Variants in AASDH observed in about 807,000 individuals in gnomAD.
AASDH encodes aminoadipate-semialdehyde dehydrogenase, also known as beta-alanine-activating enzyme.
In AASDH, 81 loss-of-function variants were observed where a neutral mutation model predicts 102.3. That is an observed-to-expected ratio of 0.79 (90% CI 0.66 to 0.95). AASDH has a LOEUF of 0.95. Among genes scored for constraint, AASDH ranks in the 40% least tolerant of loss-of-function variants. AASDH has a pLI of 0.00. For missense variants in AASDH, 1,203 were observed against 1,266.2 expected (o/e 0.95, Z 0.76); for synonymous variants, 398 against 454.0 (o/e 0.88, Z 1.57).
intron 11 of AASDH, among the ~76,000 whole-genome samples, chr4:56,348,613 C>T (rs1221453967): frequency 1.3e-5 from 2 of 152,058 alleles, no homozygotes; most frequent in African/African-American, 4.8e-5. Flanking sequence ...GAACTTGGAA[C>T]GCTAGGTCAT....
rs1752666707 is a variant in AASDH at position 56,378,912 on chromosome 4, C to A, written c.352-448G>T. Among the ~76,000 whole-genome samples, 5 of 149,474 alleles carry A rather than the reference C, an allele frequency of 3.3e-5. No homozygotes were observed. In the South Asian group the frequency reaches 1.0e-3, roughly 31 times the overall value. On this transcript the variant is annotated intron_variant, in intron 3 of 14. Coordinates refer to ENST00000205214, the MANE Select transcript of AASDH (RefSeq NM_181806.4). ...TTATTTTTTTTTTTTGAGACGGAGT[C>A]TCACTCTGTCATCCAGGCTGGAGTG...
At chr4:56,341,559 AT>A (rs543126027) in intron 14 of AASDH, among the ~76,000 whole-genome samples, 2,197 of 134,072 alleles carry the variant, frequency 0.016, 60 homozygotes, top group African/African-American at 0.055. Context: ...CACCCAGCTA[AT>A]TTTTTTTTTT....
At chr4:56,364,651 T>C (rs1750759491) in intron 5 of AASDH, among the ~76,000 whole-genome samples, 1 of 152,302 alleles carries the variant, frequency 6.6e-6, no homozygotes, top group Admixed American at 6.5e-5. Flanking sequence ...TAAAATACTT[T>C]ACAGATAAGC....
intron 4 of AASDH, among the ~76,000 whole-genome samples, chr4:56,374,475 T>C (rs1163285409): frequency 6.6e-6 from 1 of 151,930 alleles, no homozygotes; most frequent in Non-Finnish European, 1.5e-5. Context: ...GAAATGAGGC[T>C]GCCATAAACT....
chr4:56,384,778 A>C (rs1440139421), intron 1 of AASDH, among the ~76,000 whole-genome samples: 1 of 152,254 alleles, frequency 6.6e-6, no homozygotes, highest in African/African-American at 2.4e-5. Context: ...TGGTGACTTT[A>C]AAATTACTAA....
chr4:56,356,630 T>C (rs1007868704), intron 5 of AASDH: 11 of 699,238 alleles, frequency 1.6e-5, no homozygotes, highest in South Asian at 5.9e-5. Context: ...ATCGAGTTGG[T>C]TGTCTTCTTG....
chr4:56,363,481 C>T (rs1010604605), intron 5 of AASDH, among the ~76,000 whole-genome samples: 11 of 152,340 alleles, frequency 7.2e-5, no homozygotes, highest in South Asian at 2.1e-4. Context: ...CCAGTAGGGG[C>T]GGACTGACAC....
At chr4:56,359,588 T>C (rs1463002533) in intron 5 of AASDH, among the ~76,000 whole-genome samples, 1 of 149,480 alleles carries the variant, frequency 6.7e-6, no homozygotes, top group African/African-American at 2.5e-5. Context: ...AGACAGAGTC[T>C]CACTCTGTCT....
Position 56,338,754 on chromosome 4 carries a change from G to T in AASDH, c.2945C>A (p.Ser982Tyr). 6.2e-7 allele frequency: 1 copy of T among 1,614,098 alleles called. No homozygotes were observed. Among genetic ancestry groups the T allele is most frequent in the South Asian group, 1.1e-5 (1 of 91,070 alleles). Residue 982 changes from serine to tyrosine, a missense_variant, in exon 15 of 15, where the codon TCC (serine) becomes TAC (tyrosine). Ser to Tyr is a moderately radical substitution (Grantham distance 144, BLOSUM62 -2). Transcript: ENST00000205214. Reference sequence around the variant, plus strand: ...TTGCTCTGATGGTGAGGTACACGGGGATGAAAAGATTGGTCCACTGGTAGA... The same window carrying T: ...TTGCTCTGATGGTGAGGTACACGGGTATGAAAAGATTGGTCCACTGGTAGA... ...QFSTSGPIFS[S>Y]PCTSPSEQKI...
chr4:56,362,755 G>A lies in AASDH; in HGVS notation c.862-7332C>T, dbSNP rs182681870. Among the ~76,000 whole-genome samples, 239 of 152,282 alleles carry A rather than the reference G, an allele frequency of 1.6e-3. 2 individuals carry two copies. Among genetic ancestry groups the A allele is most frequent in the African/African-American group, 5.1e-3 (211 of 41,554 alleles). On this transcript the variant is annotated intron_variant, in intron 5 of 14. Coordinates refer to ENST00000205214, the MANE Select transcript of AASDH (RefSeq NM_181806.4). ...AGGAGAGAAAAGATGAACCCTGGGG[G>A]TGGAGCCAAGATGGCCGAATAGGAG...
chr4:56,375,177 A>C (rs1752201162), intron 4 of AASDH, among the ~76,000 whole-genome samples: 1 of 151,720 alleles, frequency 6.6e-6, no homozygotes, highest in Non-Finnish European at 1.5e-5. Context: ...GCAGCCTCAA[A>C]CTCCTAGGCT....
chr4:56,353,069 A>G (rs1291020794), intron 9 of AASDH, among the ~76,000 whole-genome samples: 2 of 151,778 alleles, frequency 1.3e-5, no homozygotes, highest in African/African-American at 4.8e-5. Flanking sequence ...AGGCACAAAC[A>G]TAGCACACTG....
intron 5 of AASDH, among the ~76,000 whole-genome samples, 189 bp downstream of exon 5, chr4:56,371,262 G>A (rs1751671559): frequency 6.6e-6 from 1 of 151,998 alleles, no homozygotes; most frequent in African/African-American, 2.4e-5. Context: ...TTTCTAGGCA[G>A]AATTCATTTA....
chr4:56,365,296 A>G (rs1450555181), intron 5 of AASDH, among the ~76,000 whole-genome samples: 2 of 152,012 alleles, frequency 1.3e-5, no homozygotes, highest in Non-Finnish European at 2.9e-5. Context: ...CACTGCCAAC[A>G]TTAGACAGAT....
chr4:56,367,259 G>C (rs769963272), intron 5 of AASDH, among the ~76,000 whole-genome samples: 5,039 of 151,684 alleles, frequency 0.033, 119 homozygotes, highest in Admixed American at 0.064. Flanking sequence ...TCATGGGTAG[G>C]AAGAATCAAT....
intron 14 of AASDH, among the ~76,000 whole-genome samples, chr4:56,339,748 C>CAAAA (rs3036859): frequency 0.085 from 10,847 of 127,724 alleles, 572 homozygotes; most frequent in East Asian, 0.25. Flanking sequence ...GACCTTGTTT[C>CAAAA]AAAAAAAAAA....
At chr4:56,385,548 T>C (rs1319844322) in intron 1 of AASDH, among the ~76,000 whole-genome samples, 1 of 152,162 alleles carries the variant, frequency 6.6e-6, no homozygotes, top group Admixed American at 6.5e-5. Context: ...CTCTGAACTC[T>C]GTTTTCCATA....
At chr4:56,366,529 AG>A (rs1308539135) in intron 5 of AASDH, among the ~76,000 whole-genome samples, 1 of 152,192 alleles carries the variant, frequency 6.6e-6, no homozygotes, top group Non-Finnish European at 1.5e-5. Context: ...ACCATGATCA[AG>A]TGGGCTTCAT....
intron 2 of AASDH, among the ~76,000 whole-genome samples, chr4:56,383,858 G>C (rs1339571903): frequency 6.6e-6 from 1 of 152,044 alleles, no homozygotes. Context: ...ATTAGTGAAA[G>C]CTTCTAGTCT....
Sources: gnomAD v4.1 joint callset for allele counts (sites outside exome capture counted in the v4.1 genomes callset) on GRCh38, gnomAD v4.1.1 for gene constraint, MANE v1.5 for transcripts, NCBI Gene and HGNC (gene_info 2026-07-23, HGNC 2026-07-21) for gene names.